The following CENPC variants were observed in gnomAD, a reference collection of about 807,000 sequenced individuals.
CENPC encodes centromere protein C, also known as CENP-C 1.
Under a neutral mutation model 112.1 loss-of-function variants are expected in CENPC, and 63 were observed. The ratio of observed to expected loss-of-function variants is 0.56; its 90% CI spans 0.46 to 0.69. The LOEUF (loss-of-function observed/expected upper bound fraction) is 0.69. Ranked by LOEUF, CENPC falls within the 30% of genes least tolerant of loss-of-function variation. The probability of loss-of-function intolerance (pLI) is 0.00; values close to 1 mark genes in which losing one functional copy is unlikely to be tolerated. For synonymous variants in CENPC, 333 were observed against 367.6 expected (o/e 0.91, Z 1.08); for missense variants, 1,000 against 1,103.8 (o/e 0.91, Z 1.33).
intron 4 of CENPC, among the ~76,000 whole-genome samples, chr4:67,537,605 C>A (rs113368105): frequency 6.6e-6 from 1 of 152,074 alleles, no homozygotes; most frequent in Non-Finnish European, 1.5e-5. Flanking sequence ...CCAGCCTGGC[C>A]AACATGGTTA....
intron 5 of CENPC, among the ~76,000 whole-genome samples, chr4:67,525,170 A>G (rs1726339416): frequency 6.6e-6 from 1 of 152,202 alleles, no homozygotes; most frequent in Non-Finnish European, 1.5e-5. Context: ...TTATACAAAA[A>G]TTAACTCAAG....
In CENPC at chr4:67,492,294, T is replaced by G. The variant is rs1157583939; in HGVS notation, c.2420-19A>C. 3.4e-6 allele frequency: 5 copies of G among 1,457,646 alleles called. No homozygotes were observed. Among genetic ancestry groups the G allele is most frequent in the Non-Finnish European group, 4.7e-6 (5 of 1,065,028 alleles). The allele number at this position is 1,457,646 out of a possible 1,614,324, so 90.3% of individuals were successfully genotyped here. ...TTAGTCTCTGCAAAAGAAATACCAT[T>G]GAAATACAAACTACTTACTTAAAAT... On this transcript the variant is annotated intron_variant, in intron 15 of 18. Transcript: ENST00000273853.
At chr4:67,485,587 G>A (rs191459833) in intron 17 of CENPC, among the ~76,000 whole-genome samples, 2 of 152,042 alleles carry the variant, frequency 1.3e-5, no homozygotes, top group Non-Finnish European at 2.9e-5. Context: ...AAAGTCTATG[G>A]TATTCTTATT....
At chr4:67,474,713 C>T (rs555915232) in intron 18 of CENPC, 175 bp downstream of exon 18, 1 of 566,514 alleles carries the variant, frequency 1.8e-6, no homozygotes, top group East Asian at 3.4e-5. Context: ...CAAAAAAAAA[C>T]CACCACAAAA....
chr4:67,511,360 C>A (rs1043348909), intron 9 of CENPC, among the ~76,000 whole-genome samples: 4 of 152,030 alleles, frequency 2.6e-5, no homozygotes, highest in African/African-American at 2.4e-5. Flanking sequence ...ATCTAAATGC[C>A]CCAAAGTCAA....
chr4:67,528,291 C>A (rs1435674580), intron 5 of CENPC, among the ~76,000 whole-genome samples: 1 of 151,900 alleles, frequency 6.6e-6, no homozygotes, highest in Non-Finnish European at 1.5e-5. Context: ...GAATGGGGAG[C>A]CAGGAGACAG....
chr4:67,492,372 A>C, intron 15 of CENPC, 97 bp from the exon 16 acceptor site: 1 of 648,178 alleles, frequency 1.5e-6, no homozygotes. Context: ...AGAAGTTATA[A>C]AACTGTCAAA....
chr4:67,493,895 C>T lies in CENPC; in HGVS notation c.2279G>A (p.Gly760Glu). 1 of 1,610,580 alleles carries T rather than the reference C, an allele frequency of 6.2e-7. No individual in the cohort carries two copies. The change falls in exon 14 of 19, where the codon GGA becomes GAA. Residue 760 changes from glycine to glutamate, a missense_variant. Physicochemically the swap from Gly to Glu is moderately conservative, Grantham distance 98. Transcript: ENST00000273853. The stretch of plus-strand genomic sequence containing the variant: ...TAAATAAGTTTTACCTGATGGCCTT[C>T]CTTGATAATCTATTCGCTCTCCTCG... ...YWRGERIDYQGRPSGGFVISG... is the reference protein window; with the variant it reads ...YWRGERIDYQERPSGGFVISG...
intron 18 of CENPC, among the ~76,000 whole-genome samples, chr4:67,473,711 C>T (rs1467377302): frequency 6.6e-6 from 1 of 151,962 alleles, no homozygotes; most frequent in Non-Finnish European, 1.5e-5. Flanking sequence ...ATCACCGTGC[C>T]TGGTTAACTT....
At chr4:67,510,612 C>A in intron 9 of CENPC, 1 of 177,598 alleles carries the variant, frequency 5.6e-6, no homozygotes, top group Non-Finnish European at 1.2e-5. Flanking sequence ...CTGTGACTGA[C>A]TGCCTTAAAT....
intron 16 of CENPC, among the ~76,000 whole-genome samples, chr4:67,491,527 A>AGC (rs1553893263): frequency 0.022 from 2,745 of 125,998 alleles, 107 homozygotes; most frequent in Middle Eastern, 0.035. Context: ...AGAGAGAGAG[A>AGC]GCCTGGTTGT....
In CENPC at chr4:67,519,325, G is replaced by A. The variant is rs1726152933; in HGVS notation, c.509C>T (p.Ser170Leu). The change falls in exon 6 of 19, where the codon TCA becomes TTA. Residue 170 changes from serine to leucine, a missense_variant. By Grantham distance (145) the Ser-to-Leu change is moderately radical. Coordinates refer to ENST00000273853, the MANE Select transcript of CENPC (RefSeq NM_001812.4). Reference protein sequence around the residue: ...SVLLDAKTSVSQNVIPSSAQK... With the variant: ...SVLLDAKTSVLQNVIPSSAQK... ...GGCACTAGATGGAATAACATTTTGT[G>A]ATACAGATGTTTTTGCATCCAAAAG... 3 of 1,612,712 alleles carry A rather than the reference G, an allele frequency of 1.9e-6. No homozygotes were observed. The highest frequency in any genetic ancestry group is 2.5e-6 in the Non-Finnish European group (3 of 1,179,340).
chr4:67,503,269 A>C (rs1488185504), intron 12 of CENPC, among the ~76,000 whole-genome samples: 4 of 152,088 alleles, frequency 2.6e-5, no homozygotes, highest in Admixed American at 2.6e-4. Context: ...TCTTGACCAC[A>C]TAAGAACTTT....
rs1226474383 is a variant in CENPC, at chr4:67,479,237, C to T, written c.2671-4259G>A. ...AACAAATGGACTTAATAGATATTTA[C>T]AGAACATTCTACCCAAAAACTGCAG... is the stretch of plus-strand genomic sequence containing the variant. On this transcript the variant is annotated intron_variant, in intron 17 of 18. Coordinates refer to ENST00000273853, the MANE Select transcript of CENPC (RefSeq NM_001812.4). 5.3e-5 allele frequency among the ~76,000 whole-genome samples: 8 copies of T among 152,160 alleles called. No individual in the cohort carries two copies. The East Asian group carries it at 1.5e-3, about 29-fold the overall frequency.
At chr4:67,486,263 T>C (rs1725091116) in intron 17 of CENPC, among the ~76,000 whole-genome samples, 1 of 152,220 alleles carries the variant, frequency 6.6e-6, no homozygotes, top group African/African-American at 2.4e-5. Flanking sequence ...CAGAGTCTAC[T>C]ATCCTCACTC....
At chr4:67,508,341 C>CATTTCTCCA (rs1725792515) in intron 10 of CENPC, among the ~76,000 whole-genome samples, 1 of 151,700 alleles carries the variant, frequency 6.6e-6, no homozygotes, top group African/African-American at 2.4e-5. Context: ...AGCAAGACCT[C>CATTTCTCCA]ATTTCTCCAA....
chr4:67,474,142 G>A (rs1724742700), intron 18 of CENPC, among the ~76,000 whole-genome samples: 1 of 151,816 alleles, frequency 6.6e-6, no homozygotes, highest in Non-Finnish European at 1.5e-5. Flanking sequence ...TCTGGTCACT[G>A]CAAGCTCCAC....
intron 17 of CENPC, among the ~76,000 whole-genome samples, chr4:67,480,315 G>A (rs1023804536): frequency 4.6e-5 from 7 of 151,800 alleles, no homozygotes; most frequent in Admixed American, 2.0e-4. Flanking sequence ...GCAAAACCCC[G>A]TCTCAAAAAG....
At chr4:67,544,793 A>C (rs1439678712) in intron 1 of CENPC, among the ~76,000 whole-genome samples, 2 of 152,228 alleles carry the variant, frequency 1.3e-5, no homozygotes, top group Non-Finnish European at 2.9e-5. Context: ...AATCAGCCTC[A>C]AGAACTGCAT....
Sources: allele counts gnomAD v4.1 joint callset (sites outside exome capture counted in the v4.1 genomes callset), GRCh38; gene constraint gnomAD v4.1.1; transcripts MANE v1.5; gene names NCBI Gene and HGNC (gene_info 2026-07-23, HGNC 2026-07-21).